Variants in TRAPPC14 observed in about 807,000 individuals in gnomAD.
TRAPPC14 encodes trafficking protein particle complex subunit 14.
A neutral mutation model predicts 56.6 loss-of-function variants in TRAPPC14; 24 were observed. The ratio of observed to expected loss-of-function variants is 0.42; its 90% confidence interval spans 0.31 to 0.60. TRAPPC14 has a LOEUF of 0.60. Among genes scored for constraint, TRAPPC14 ranks in the 20% least tolerant of loss-of-function variants. TRAPPC14 has a pLI of 0.14. For missense variants in TRAPPC14, 615 were observed against 790.3 expected, an observed-to-expected ratio of 0.78 and a Z score of 2.66; for synonymous variants, 377 against 347.0, an observed-to-expected ratio of 1.09 and a Z score of -0.96.
Position 100,158,500 on chromosome 7 carries a change from G to A in TRAPPC14, c.-1C>T, listed in dbSNP as rs1200356799. ...TCGAGTAGTCGCACTGGGACTCCAT[G>A]GGGCGGCGAGGACGGCGCGACTGGG... On this transcript the variant is annotated 5_prime_UTR_variant, in exon 1 of 11. Coordinates refer to ENST00000316937, the MANE Select transcript of TRAPPC14 (RefSeq NM_018275.5). 2 of 1,320,824 alleles carry A rather than the reference G, an allele frequency of 1.5e-6. No homozygotes were observed. Among genetic ancestry groups the A allele is most frequent in the Non-Finnish European group, 1.9e-6 (2 of 1,037,760 alleles). The allele number at this position is 1,320,824 out of a possible 1,614,324, so 81.8% of individuals were successfully genotyped here. A position where few individuals can be genotyped will look rare whatever the true frequency, so the allele number is the denominator to read the frequency against.
rs1346387185 is a variant in TRAPPC14 at position 100,158,282 on chromosome 7, G to A, written c.218C>T (p.Ala73Val). ...GGCGGCCAGGGCGGTTGCCAGTTCT[G>A]CCCAGGCTCCTCTGGAGCCCAAGCC... ...GPGLGSRGAW[A>V]ELATALAALA... The change falls in exon 1 of 11, where the codon GCA becomes GTA. Residue 73 changes from alanine to valine, a missense_variant. Transcript: ENST00000316937. 6.7e-7 allele frequency: 1 copy of A among 1,488,016 alleles called. No homozygotes were observed. Among genetic ancestry groups the A allele is most frequent in the Non-Finnish European group, 8.9e-7 (1 of 1,124,826 alleles). The allele number at this position is 1,488,016 out of a possible 1,614,324, so 92.2% of individuals were successfully genotyped here. A position where few individuals can be genotyped will look rare whatever the true frequency, so the allele number is the denominator to read the frequency against.
chr7:100,158,248 C>CGAGGCCAGG lies in TRAPPC14; in HGVS notation c.243_251dup (p.Leu82_Ser84dup). 2.0e-6 allele frequency: 3 copies of CGAGGCCAGG among 1,487,638 alleles called. No individual in the cohort carries two copies. The highest frequency in any genetic ancestry group is 2.7e-6 in the Non-Finnish European group (3 of 1,125,640). The allele number at this position is 1,487,638 out of a possible 1,614,324, so 92.2% of individuals were successfully genotyped here. On this transcript the variant is annotated inframe_insertion, in exon 1 of 11. Transcript: ENST00000316937. ...CCGGCATCCCGCCTCCGGCGCTGAC[C>CGAGGCCAGG]GAGGCCAGGGCGGCCAGGGCGGTTG...
intron 8 of TRAPPC14, chr7:100,156,131 A>T: frequency 1.6e-6 from 1 of 618,256 alleles, no homozygotes; most frequent in Non-Finnish European, 2.9e-6. Context: ...TAAAGGAGAG[A>T]AGTAGAGTTC....
In TRAPPC14 at chr7:100,157,840, T is replaced by TA; in HGVS notation, c.507+2dup. ...ACAATAGCTCCACTCTTGCTCATCT[T>TA]ACCTTGGCCTTAGGTGTCCCTGGGG... On this transcript the variant is annotated splice_region_variant and intron_variant, in intron 2 of 10. Coordinates refer to ENST00000316937, the MANE Select transcript of TRAPPC14 (RefSeq NM_018275.5). 3 of 1,606,424 alleles carry TA rather than the reference T, an allele frequency of 1.9e-6. No homozygotes were observed. The highest frequency in any genetic ancestry group is 2.6e-6 in the Non-Finnish European group (3 of 1,174,904).
intron 4 of TRAPPC14, 74 bp from the exon 5 acceptor site, chr7:100,157,288 C>T (rs757473506): frequency 7.4e-6 from 12 of 1,613,246 alleles, no homozygotes; most frequent in South Asian, 3.3e-5. Context: ...AAAAACCGGA[C>T]CTACCCCACC....
In TRAPPC14 at chr7:100,158,297, G is replaced by A; in HGVS notation, c.203C>T (p.Ser68Phe). The A allele has an allele frequency of 6.8e-7, 1 of 1,477,712 alleles. No individual in the cohort carries two copies. The highest frequency in any genetic ancestry group is 2.8e-5 in the East Asian group (1 of 35,138). The allele number at this position is 1,477,712 out of a possible 1,614,324, so 91.5% of individuals were successfully genotyped here. ...SGTGGGPGLG[S>F]RGAWAELATA... ...TGCCAGTTCTGCCCAGGCTCCTCTG[G>A]AGCCCAAGCCCGGGCCGCCCCCGGT... The change falls in exon 1 of 11, where the codon TCC becomes TTC. Residue 68 changes from serine to phenylalanine, a missense_variant. Transcript: ENST00000316937.
chr7:100,155,540 G>GACTTCCCC (rs1584617707), intron 9 of TRAPPC14, 85 bp from the exon 10 acceptor site: 1 of 1,500,616 alleles, frequency 6.7e-7, no homozygotes, highest in African/African-American at 1.4e-5. Flanking sequence ...GTGACAGACT[G>GACTTCCCC]ATGTCAAATC....
At position 100,154,498 on chromosome 7, in the gene TRAPPC14, C is replaced by CAA. The variant is rs375718651; in HGVS notation, c.*511_*512dup. The CAA allele has an allele frequency of 2.4e-4, 38 of 161,236 alleles. No homozygotes were observed. The highest frequency in any genetic ancestry group is 1.3e-3 in the South Asian group (10 of 7,758). 10.0% of individuals were successfully genotyped at this position (161,236 alleles called of 1,614,324 possible). A position where few individuals can be genotyped will look rare whatever the true frequency, so the allele number is the denominator to read the frequency against. ...TGGAAAATAAGTTACAGGAACAGACCAAAAAAAAAAAAATTAAAGTGCTTC... is the reference window on the plus strand; with the variant it reads ...TGGAAAATAAGTTACAGGAACAGACCAAAAAAAAAAAAAAATTAAAGTGCTTC... On this transcript the variant is annotated 3_prime_UTR_variant, in exon 11 of 11. Coordinates refer to ENST00000316937, the MANE Select transcript of TRAPPC14 (RefSeq NM_018275.5).
In TRAPPC14 at chr7:100,156,988, G is replaced by A; in HGVS notation, c.850C>T (p.Gln284Ter). The A allele has an allele frequency of 6.2e-7, 1 of 1,614,030 alleles. No individual in the cohort carries two copies. Among genetic ancestry groups the A allele is most frequent in the Non-Finnish European group, 8.5e-7 (1 of 1,179,988 alleles). The change falls in exon 6 of 11, where the codon CAG becomes TAG. Residue 284 changes from glutamine to a stop codon, truncating the protein, a stop_gained. Transcript: ENST00000316937. LOFTEE classifies it high-confidence loss of function. Reference sequence around the variant, plus strand: ...GAGCCCATGGAGACTTCCCCAGACTGGTGACTAGCTCAGAAAAGAGGACAA... The same window carrying A: ...GAGCCCATGGAGACTTCCCCAGACTAGTGACTAGCTCAGAAAAGAGGACAA... ...SVLLVDNVCH[Q>*]SGEVSMGSFC... is the part of the protein sequence containing the mutation.
rs1204457011 is a variant in TRAPPC14 at position 100,157,224 on chromosome 7, A to C, written c.725-10T>G. On this transcript the variant is annotated splice_polypyrimidine_tract_variant and intron_variant, in intron 4 of 10. Transcript: ENST00000316937. ...GAGGAGCTGTTCAGCACTGTGGGAG[A>C]GGACCAGCTTGGCTCAGAATAGCTG... The C allele has an allele frequency of 6.2e-7, 1 of 1,614,124 alleles. No individual in the cohort carries two copies. Among genetic ancestry groups the C allele is most frequent in the Admixed American group, 1.7e-5 (1 of 60,022 alleles).
intron 1 of TRAPPC14, 28 bp downstream of exon 1, chr7:100,158,061 C>G: frequency 7.0e-7 from 1 of 1,432,172 alleles, no homozygotes; most frequent in Non-Finnish European, 9.2e-7. Context: ...CCCCTCCGTC[C>G]TGTGCCAGGT....
At chr7:100,157,517 C>T in intron 3 of TRAPPC14, 58 bp from the exon 4 acceptor site, 1 of 1,606,892 alleles carries the variant, frequency 6.2e-7, no homozygotes, top group African/African-American at 1.3e-5. Flanking sequence ...CACCTCCAAC[C>T]CAGAATTCTC....
At chr7:100,156,089 G>A (rs1472137317) in intron 8 of TRAPPC14, 3 of 647,956 alleles carry the variant, frequency 4.6e-6, no homozygotes, top group Non-Finnish European at 2.8e-6. Context: ...GCCCAGAGAG[G>A]TTAAGTAACT....
At chr7:100,156,172 C>T in intron 8 of TRAPPC14, 1 of 610,890 alleles carries the variant, frequency 1.6e-6, no homozygotes, top group Non-Finnish European at 2.9e-6. Flanking sequence ...AGTGTCTATG[C>T]CCTGAAAGTC....
In TRAPPC14 at chr7:100,157,091, C is replaced by CACCAGACAT; in HGVS notation, c.839_845+2dup. On this transcript the variant is annotated splice_region_variant and intron_variant, in intron 5 of 10. Transcript: ENST00000316937. ...CACAGCCTCGCCCCTCCCAGGACCT[C>CACCAGACAT]ACCAGACATTGTCCACCAGCAGCAC... is the stretch of plus-strand genomic sequence containing the variant. The CACCAGACAT allele has an allele frequency of 1.2e-6, 2 of 1,614,172 alleles. No homozygotes were observed. The highest frequency in any genetic ancestry group is 1.7e-6 in the Non-Finnish European group (2 of 1,180,020).
At chr7:100,158,011 G>C in intron 1 of TRAPPC14, 73 bp from the exon 2 acceptor site, 8 of 1,429,906 alleles carry the variant, frequency 5.6e-6, no homozygotes, top group Non-Finnish European at 7.5e-6. Context: ...TTTAAGACCG[G>C]CAGTTCATCT....
chr7:100,156,702 G>A lies in TRAPPC14; in HGVS notation c.1008C>T (p.Pro336=). 1 of 1,612,018 alleles carries A rather than the reference G, an allele frequency of 6.2e-7. No individual in the cohort carries two copies. The highest frequency in any genetic ancestry group is 8.5e-7 in the Non-Finnish European group (1 of 1,178,944). Residue 336 remains proline (P), a synonymous_variant, in exon 7 of 11, where the codon CCC becomes CCT. Transcript: ENST00000316937. ...TAGACCACTGAACCACAGCAATCAGGGGAACTTCCAGGCCCTGCAGGAGGG... is the reference window on the plus strand; with the variant it reads ...TAGACCACTGAACCACAGCAATCAGAGGAACTTCCAGGCCCTGCAGGAGGG... ...PPGAKEGLEV[P]LIAVVQWSTP...
chr7:100,156,649 A>G lies in TRAPPC14; in HGVS notation c.1061T>C (p.Ile354Thr). Residue 354 changes from isoleucine to threonine, a missense_variant, in exon 7 of 11, where the codon ATC (isoleucine) becomes ACC (threonine). By Grantham distance (89) the Ile-to-Thr change is moderately conservative. Transcript: ENST00000316937. Reference sequence around the variant, plus strand: ...CCACACTCACCGGTAGTGGGTGTAGATGCTCTGAGTGAAGGGCAGCTTTGG... The same window carrying G: ...CCACACTCACCGGTAGTGGGTGTAGGTGCTCTGAGTGAAGGGCAGCTTTGG... The part of the protein sequence containing the change: ...STPKLPFTQS[I>T]YTHYRLPSVR... The G allele has an allele frequency of 6.2e-7, 1 of 1,612,640 alleles. No homozygotes were observed. The highest frequency in any genetic ancestry group is 8.5e-7 in the Non-Finnish European group (1 of 1,179,214).
chr7:100,155,214 T>C (rs764157779), intron 10 of TRAPPC14, 48 bp downstream of exon 10: 1 of 1,604,176 alleles, frequency 6.2e-7, no homozygotes, highest in African/African-American at 1.3e-5. Context: ...GCACCCTCGC[T>C]GCTCCCATCC....
Sources: allele counts gnomAD v4.1 joint callset, GRCh38; gene constraint gnomAD v4.1.1; transcripts MANE v1.5; gene names NCBI Gene and HGNC (gene_info 2026-07-23, HGNC 2026-07-21).